CHCHD3: variants seen among roughly 807,000 people sequenced by gnomAD.
CHCHD3 encodes the protein MICOS complex subunit MIC19.
A neutral mutation model predicts 38.2 loss-of-function variants in CHCHD3; 20 were observed. That is an observed-to-expected ratio of 0.52 (90% CI 0.37 to 0.76). The LOEUF (loss-of-function observed/expected upper bound fraction) is 0.76, where lower values mean the gene tolerates loss of function less well. CHCHD3 is among the 30% of genes least tolerant of loss of function. The pLI, the probability that CHCHD3 is intolerant of heterozygous loss-of-function variation, is 0.00. For missense variants in CHCHD3, 245 were observed against 279.2 expected (o/e 0.88, Z 0.87); for synonymous variants, 82 against 100.0 (o/e 0.82, Z 1.07).
intron 4 of CHCHD3, among the ~76,000 whole-genome samples, chr7:132,926,772 A>G (rs1266900173): frequency 6.6e-6 from 1 of 152,146 alleles, no homozygotes; most frequent in Non-Finnish European, 1.5e-5. Flanking sequence ...ATCTAACACA[A>G]TGTAAATGCT....
intron 2 of CHCHD3, among the ~76,000 whole-genome samples, chr7:133,029,822 C>T (rs983758008): frequency 2.0e-5 from 3 of 152,102 alleles, no homozygotes; most frequent in Admixed American, 2.0e-4. Flanking sequence ...CAGGTGGCAT[C>T]GTCCAGGTAG....
chr7:132,888,699 T>C (rs929375117), intron 4 of CHCHD3, among the ~76,000 whole-genome samples: 7 of 152,128 alleles, frequency 4.6e-5, no homozygotes, highest in Admixed American at 3.9e-4. Context: ...CAATAGGATA[T>C]TGATTATAAA....
At chr7:132,860,598 G>C (rs186311639) in intron 5 of CHCHD3, among the ~76,000 whole-genome samples, 19 of 151,772 alleles carry the variant, frequency 1.3e-4, no homozygotes, top group Non-Finnish European at 2.5e-4. Context: ...AGCATGGACG[G>C]TTTTCAGCAA....
At chr7:133,036,075 T>G in intron 2 of CHCHD3, 1 of 693,538 alleles carries the variant, frequency 1.4e-6, no homozygotes, top group Non-Finnish European at 2.5e-6. Flanking sequence ...ATAAAATAAT[T>G]CGCTAGGCAA....
At position 133,081,874 on chromosome 7, in the gene CHCHD3, C is replaced by G. The variant is rs760690628; in HGVS notation, c.64G>C (p.Val22Leu). The G allele has an allele frequency of 1.3e-6, 2 of 1,555,790 alleles. No individual in the cohort carries two copies. The highest frequency in any genetic ancestry group is 2.4e-5 in the South Asian group (2 of 84,304). Residue 22 changes from valine to leucine, a missense_variant, in exon 1 of 8, where the codon GTG (valine) becomes CTG (leucine). Physicochemically the swap from Val to Leu is conservative, Grantham distance 32 (BLOSUM62 1). Coordinates refer to ENST00000262570, the MANE Select transcript of CHCHD3 (RefSeq NM_017812.4). The part of the protein sequence containing the change: ...FEADENENIT[V>L]VKGIRLSENV... ...GCACTCACCCGGATGCCCTTCACCA[C>G]GGTGATGTTCTCATTCTCGTCCGCC...
intron 3 of CHCHD3, among the ~76,000 whole-genome samples, chr7:133,013,212 A>C (rs1403988530): frequency 2.1e-5 from 3 of 142,976 alleles, no homozygotes; most frequent in Non-Finnish European, 4.6e-5. Flanking sequence ...AAAAACATTC[A>C]GACAGACATA....
At chr7:132,801,146 CTCA>C (rs1258209241) in intron 6 of CHCHD3, among the ~76,000 whole-genome samples, 1 of 152,108 alleles carries the variant, frequency 6.6e-6, no homozygotes, top group Non-Finnish European at 1.5e-5. Flanking sequence ...TTTTGTTTTT[CTCA>C]TCACTTATAA....
intron 2 of CHCHD3, among the ~76,000 whole-genome samples, chr7:133,050,941 A>C (rs1166375602): frequency 6.6e-6 from 1 of 152,164 alleles, no homozygotes; most frequent in Non-Finnish European, 1.5e-5. Context: ...ACTTGAACCC[A>C]GGAGGCAGAG....
At chr7:132,989,057 G>T (rs975656716) in intron 3 of CHCHD3, among the ~76,000 whole-genome samples, 4 of 152,100 alleles carry the variant, frequency 2.6e-5, no homozygotes, top group African/African-American at 4.8e-5. Flanking sequence ...GTATACGGGA[G>T]GAAGTACACC....
intron 4 of CHCHD3, among the ~76,000 whole-genome samples, chr7:132,967,187 A>G (rs1006994191): frequency 6.6e-6 from 1 of 152,234 alleles, no homozygotes; most frequent in Non-Finnish European, 1.5e-5. Flanking sequence ...CACTTAGAAA[A>G]TATGAGAACA....
intron 5 of CHCHD3, among the ~76,000 whole-genome samples, chr7:132,870,038 TC>T (rs1169066445): frequency 6.6e-6 from 1 of 151,824 alleles, no homozygotes; most frequent in African/African-American, 2.4e-5. Context: ...CTGGCAAAAT[TC>T]AATATAACAT....
At chr7:133,076,058 CAAAAAAAAAAAAA>C (rs58754100) in intron 1 of CHCHD3, among the ~76,000 whole-genome samples, 3 of 63,686 alleles carry the variant, frequency 4.7e-5, no homozygotes, top group African/African-American at 1.8e-4. Context: ...GATTCTATCT[CAAAAAAAAAAAAA>C]AAAAAAAAAA....
At chr7:132,826,239 C>A (rs1359949976) in intron 6 of CHCHD3, among the ~76,000 whole-genome samples, 1 of 152,182 alleles carries the variant, frequency 6.6e-6, no homozygotes, top group Non-Finnish European at 1.5e-5. Context: ...AAAATCTCAC[C>A]ACACAGCAGC....
chr7:133,071,562 G>C (rs184617303), intron 1 of CHCHD3, among the ~76,000 whole-genome samples: 2 of 152,260 alleles, frequency 1.3e-5, no homozygotes, highest in African/African-American at 2.4e-5. Context: ...CAGATTGGAG[G>C]GGGACAAGAA....
At chr7:133,040,515 C>A (rs1443310144) in intron 2 of CHCHD3, among the ~76,000 whole-genome samples, 5 of 152,120 alleles carry the variant, frequency 3.3e-5, no homozygotes, top group African/African-American at 1.2e-4. Context: ...AATGAAGTAA[C>A]CCTTATCTTC....
At chr7:132,845,794 G>A (rs1038680363) in intron 5 of CHCHD3, among the ~76,000 whole-genome samples, 1 of 152,152 alleles carries the variant, frequency 6.6e-6, no homozygotes, top group Non-Finnish European at 1.5e-5. Context: ...CCAACCACAT[G>A]TCAATCCTGT....
chr7:132,825,936 C>G (rs575374976), intron 6 of CHCHD3, among the ~76,000 whole-genome samples: 1 of 152,192 alleles, frequency 6.6e-6, no homozygotes, highest in Non-Finnish European at 1.5e-5. Flanking sequence ...TAAAGCAGGC[C>G]AAGCAAGCTT....
intron 2 of CHCHD3, among the ~76,000 whole-genome samples, chr7:133,064,832 G>C (rs942032623): frequency 6.6e-6 from 1 of 151,998 alleles, no homozygotes; most frequent in Non-Finnish European, 1.5e-5. Context: ...TTTTTATCTG[G>C]TTGCCAGTAG....
chr7:132,986,424 G>GAAA (rs59151340), intron 3 of CHCHD3, among the ~76,000 whole-genome samples: 1 of 131,268 alleles, frequency 7.6e-6, no homozygotes, highest in Non-Finnish European at 1.6e-5. Context: ...AAAGAAAAAA[G>GAAA]AAAAAAAAAA....
Sources: gnomAD v4.1 joint callset for allele counts (sites outside exome capture counted in the v4.1 genomes callset) on GRCh38, gnomAD v4.1.1 for gene constraint, MANE v1.5 for transcripts, NCBI Gene and HGNC (gene_info 2026-07-23, HGNC 2026-07-21) for gene names.